KATNIP: variants seen among roughly 807,000 people sequenced by gnomAD.
The protein encoded by KATNIP is katanin interacting protein.
Under a neutral mutation model 174.0 loss-of-function variants are expected in KATNIP, and 126 were observed. The ratio of observed to expected loss-of-function variants is 0.72; its 90% CI spans 0.63 to 0.84. The LOEUF is 0.84. Among genes scored for constraint, KATNIP ranks in the 40% least tolerant of loss-of-function variants. The probability of loss-of-function intolerance (pLI) is 0.00; values close to 1 mark genes in which losing one functional copy is unlikely to be tolerated. For missense variants in KATNIP, 1,958 were observed against 2,109.7 expected (o/e 0.93, Z 1.41); for synonymous variants, 810 against 835.7 (o/e 0.97, Z 0.53).
intron 15 of KATNIP, among the ~76,000 whole-genome samples, chr16:27,748,344 G>A (rs1010958814): frequency 6.6e-6 from 1 of 152,168 alleles, no homozygotes; most frequent in Admixed American, 6.5e-5. Context: ...ACTGGGATTC[G>A]CCCAGCTGAG....
At chr16:27,775,124 AGGCGGGCAGG>A in intron 24 of KATNIP, 40 bp downstream of exon 24, 1 of 1,591,288 alleles carries the variant, frequency 6.3e-7, no homozygotes, top group Non-Finnish European at 8.5e-7. Context: ...CCTGGCCCTC[AGGCGGGCAGG>A]GGGACTTTCT....
At chr16:27,720,496 C>CTTTTTTTT (rs56263804) in intron 13 of KATNIP, among the ~76,000 whole-genome samples, 1 of 124,572 alleles carries the variant, frequency 8.0e-6, no homozygotes, top group Admixed American at 8.5e-5. Context: ...GGGTTTTGTT[C>CTTTTTTTT]TTTTTTTTTT....
intron 8 of KATNIP, 148 bp from the exon 9 acceptor site, chr16:27,698,180 C>T (rs1158235221): frequency 5.9e-6 from 5 of 842,944 alleles, no homozygotes; most frequent in East Asian, 2.5e-5. Flanking sequence ...AATCTGGAAC[C>T]GTTTTCTTTG....
chr16:27,555,051 GC>G (rs761258248), intron 1 of KATNIP, among the ~76,000 whole-genome samples: 2 of 152,052 alleles, frequency 1.3e-5, no homozygotes, highest in Non-Finnish European at 2.9e-5. Context: ...ACCTGCCTCA[GC>G]CTCCCAAAGT....
chr16:27,681,890 A>C (rs1222466554), intron 8 of KATNIP, among the ~76,000 whole-genome samples: 1 of 152,128 alleles, frequency 6.6e-6, no homozygotes, highest in Non-Finnish European at 1.5e-5. Flanking sequence ...GCCGAGGCCC[A>C]CTCACATGGT....
intron 11 of KATNIP, among the ~76,000 whole-genome samples, chr16:27,702,926 G>A (rs559797508): frequency 2.0e-5 from 3 of 152,114 alleles, no homozygotes; most frequent in Non-Finnish European, 2.9e-5. Flanking sequence ...CAGCACTTAC[G>A]GAGGCCCAGG....
intron 1 of KATNIP, among the ~76,000 whole-genome samples, chr16:27,551,116 G>T (rs1376677094): frequency 6.6e-6 from 1 of 152,186 alleles, no homozygotes; most frequent in Non-Finnish European, 1.5e-5. Context: ...TAGAGTCATG[G>T]TATTGACAAT....
At chr16:27,648,800 G>A (rs1265373525) in intron 6 of KATNIP, 65 bp downstream of exon 6, 4 of 1,537,010 alleles carry the variant, frequency 2.6e-6, no homozygotes, top group Non-Finnish European at 2.7e-6. Flanking sequence ...TGCTGCAGTG[G>A]CCCCTCGGGG....
intron 15 of KATNIP, among the ~76,000 whole-genome samples, chr16:27,743,834 A>G (rs138894892): frequency 3.0e-4 from 46 of 152,304 alleles, no homozygotes; most frequent in South Asian, 1.2e-3. Flanking sequence ...GTCACGGCCT[A>G]TGGTCACAGC....
At chr16:27,609,604 G>C (rs1484057274) in intron 2 of KATNIP, among the ~76,000 whole-genome samples, 3 of 151,168 alleles carry the variant, frequency 2.0e-5, no homozygotes, top group Non-Finnish European at 4.4e-5. Flanking sequence ...GTTAGCCAGG[G>C]TGGTCTCGAT....
intron 13 of KATNIP, among the ~76,000 whole-genome samples, chr16:27,713,856 A>G (rs1200024735): frequency 3.0e-5 from 2 of 66,060 alleles, no homozygotes; most frequent in African/African-American, 1.1e-4. Context: ...ATATATATAT[A>G]TCTATCTCAG....
chr16:27,578,563 C>G (rs1215892761), intron 2 of KATNIP, among the ~76,000 whole-genome samples: 1 of 152,068 alleles, frequency 6.6e-6, no homozygotes, highest in Non-Finnish European at 1.5e-5. Context: ...TGAACGGAGG[C>G]ATTGGAAAGG....
At chr16:27,651,294 C>G (rs2077113644) in intron 6 of KATNIP, among the ~76,000 whole-genome samples, 1 of 151,920 alleles carries the variant, frequency 6.6e-6, no homozygotes, top group Non-Finnish European at 1.5e-5. Context: ...TCTTTTTTTT[C>G]CCCATCTTGA....
intron 7 of KATNIP, among the ~76,000 whole-genome samples, chr16:27,680,585 G>A (rs2078296155): frequency 6.6e-6 from 1 of 152,206 alleles, no homozygotes; most frequent in Non-Finnish European, 1.5e-5. Flanking sequence ...GAAGTGCAGT[G>A]GCACTATCAT....
At chr16:27,607,067 G>A (rs531339682) in intron 2 of KATNIP, among the ~76,000 whole-genome samples, 2 of 152,258 alleles carry the variant, frequency 1.3e-5, no homozygotes, top group South Asian at 4.2e-4. Context: ...CATAGCTTGG[G>A]AAGCACACCT....
At chr16:27,704,402 C>T (rs560289043) in intron 12 of KATNIP, among the ~76,000 whole-genome samples, 2 of 152,166 alleles carry the variant, frequency 1.3e-5, no homozygotes, top group East Asian at 1.9e-4. Flanking sequence ...GTCCCACATA[C>T]GTGGCAGGCA....
chr16:27,633,455 A>T (rs1022983235), intron 5 of KATNIP, among the ~76,000 whole-genome samples: 4 of 148,674 alleles, frequency 2.7e-5, no homozygotes, highest in African/African-American at 9.9e-5. Context: ...TTATTTTTAT[A>T]TATTTTTTAT....
chr16:27,634,712 T>G (rs2076585061), intron 5 of KATNIP, among the ~76,000 whole-genome samples: 1 of 152,172 alleles, frequency 6.6e-6, no homozygotes, highest in African/African-American at 2.4e-5. Context: ...TCTCCTCACC[T>G]CACTTCTGCT....
intron 2 of KATNIP, among the ~76,000 whole-genome samples, chr16:27,590,766 C>T (rs1478895944): frequency 6.6e-6 from 1 of 152,230 alleles, no homozygotes; most frequent in Non-Finnish European, 1.5e-5. Context: ...TTTGGAGCAG[C>T]CCGGGCCCAC....
Sources: gnomAD v4.1 joint callset for allele counts (sites outside exome capture counted in the v4.1 genomes callset) on GRCh38, gnomAD v4.1.1 for gene constraint, MANE v1.5 for transcripts, NCBI Gene and HGNC (gene_info 2026-07-23, HGNC 2026-07-21) for gene names.